VTA1: variants seen among roughly 807,000 people sequenced by gnomAD.
VTA1 encodes the protein vesicle trafficking 1.
VTA1 carries 24 observed loss-of-function variants against 36.9 expected under a neutral mutation model. That is an observed-to-expected ratio of 0.65 (90% CI 0.47 to 0.91). The LOEUF (loss-of-function observed/expected upper bound fraction) is 0.91. VTA1 is among the 40% of genes least tolerant of loss of function. VTA1 has a pLI of 0.00. For synonymous variants in VTA1, 142 were observed against 130.2 expected (o/e 1.09, Z -0.62); for missense variants, 393 against 377.2 (o/e 1.04, Z -0.35).
intron 4 of VTA1, among the ~76,000 whole-genome samples, chr6:142,173,236 A>T (rs552220663): frequency 2.4e-4 from 37 of 152,348 alleles, no homozygotes; most frequent in African/African-American, 8.9e-4. Context: ...GTTTTGAATG[A>T]GAGAGATGAC....
At chr6:142,181,465 A>ATATATG (rs1554219882) in intron 4 of VTA1, among the ~76,000 whole-genome samples, 2 of 147,868 alleles carry the variant, frequency 1.4e-5, no homozygotes, top group Non-Finnish European at 3.0e-5. Flanking sequence ...TTATATATAT[A>ATATATG]TATATATATG....
intron 7 of VTA1, among the ~76,000 whole-genome samples, chr6:142,205,132 C>T (rs1775765353): frequency 6.6e-6 from 1 of 152,130 alleles, no homozygotes; most frequent in Admixed American, 6.6e-5. Context: ...GCCAATAAGC[C>T]TTCCTGCCTC....
At chr6:142,207,501 C>T (rs2114682095) in intron 7 of VTA1, among the ~76,000 whole-genome samples, 1 of 152,058 alleles carries the variant, frequency 6.6e-6, no homozygotes, top group South Asian at 2.1e-4. Flanking sequence ...GGCACAAACC[C>T]CTACCTAGCC....
rs191687125 is a variant in VTA1, at chr6:142,219,085, C to T, written c.*442C>T. The T allele has an allele frequency of 2.6e-5, 4 of 152,194 alleles. No individual in the cohort carries two copies. Among genetic ancestry groups the T allele is most frequent in the East Asian group, 1.9e-4 (1 of 5,200 alleles). 9.4% of individuals were successfully genotyped at this position (152,194 alleles called of 1,614,324 possible). ...CCAGAATATTCTAAATTAGAAATTACGTTTTTGTTTCCCTCAAGACATAAA... is the reference window on the plus strand; with the variant it reads ...CCAGAATATTCTAAATTAGAAATTATGTTTTTGTTTCCCTCAAGACATAAA... On this transcript the variant is annotated 3_prime_UTR_variant, in exon 8 of 8. Transcript: ENST00000367630.
chr6:142,203,171 ATTTAT>A (rs1455903848), intron 6 of VTA1, among the ~76,000 whole-genome samples: 1 of 151,890 alleles, frequency 6.6e-6, no homozygotes, highest in African/African-American at 2.4e-5. Flanking sequence ...GAAACTTCCT[ATTTAT>A]TTTAACCTTT....
chr6:142,151,237 G>C (rs1037583839), intron 1 of VTA1, among the ~76,000 whole-genome samples: 1 of 152,168 alleles, frequency 6.6e-6, no homozygotes, highest in African/African-American at 2.4e-5. Flanking sequence ...GATGTGGAGG[G>C]ACCACAGTGG....
At chr6:142,160,722 A>G (rs143780620) in intron 1 of VTA1, among the ~76,000 whole-genome samples, 52 of 152,212 alleles carry the variant, frequency 3.4e-4, no homozygotes, top group African/African-American at 1.2e-3. Flanking sequence ...CTTGTTACAT[A>G]TATTTTGTTC....
At chr6:142,170,545 G>A (rs952300573) in intron 4 of VTA1, 124 bp downstream of exon 4, 1 of 620,386 alleles carries the variant, frequency 1.6e-6, no homozygotes, top group Non-Finnish European at 2.5e-6. Flanking sequence ...AGCAAAAAAT[G>A]TAATTTTGCA....
chr6:142,201,586 A>C (rs1296908392), intron 6 of VTA1, among the ~76,000 whole-genome samples: 5 of 151,944 alleles, frequency 3.3e-5, no homozygotes, highest in African/African-American at 1.2e-4. Flanking sequence ...AGATTTTAGT[A>C]ATAAAGCTAG....
chr6:142,161,651 A>T (rs771702921), intron 1 of VTA1, among the ~76,000 whole-genome samples: 1 of 152,136 alleles, frequency 6.6e-6, no homozygotes, highest in Non-Finnish European at 1.5e-5. Context: ...TTTCTTATAG[A>T]TGATTTTAGC....
chr6:142,174,953 G>A (rs1446430572), intron 4 of VTA1, among the ~76,000 whole-genome samples: 5 of 152,186 alleles, frequency 3.3e-5, no homozygotes, highest in African/African-American at 1.2e-4. Flanking sequence ...GGCTTATGCA[G>A]CCTGCGGAAT....
At chr6:142,188,497 G>GC (rs1263364505) in intron 4 of VTA1, among the ~76,000 whole-genome samples, 1 of 152,094 alleles carries the variant, frequency 6.6e-6, no homozygotes, top group African/African-American at 2.4e-5. Flanking sequence ...ACAGGCATGA[G>GC]CCACCGTGCC....
At chr6:142,150,505 A>G (rs1300427636) in intron 1 of VTA1, among the ~76,000 whole-genome samples, 1 of 152,092 alleles carries the variant, frequency 6.6e-6, no homozygotes, top group East Asian at 1.9e-4. Context: ...GCATACTCTC[A>G]CGCATCCTGA....
At chr6:142,194,556 C>T (rs931449909) in intron 5 of VTA1, among the ~76,000 whole-genome samples, 5 of 151,992 alleles carry the variant, frequency 3.3e-5, no homozygotes, top group African/African-American at 1.2e-4. Flanking sequence ...GTTTTCCAGT[C>T]GTTAGCTTCT....
chr6:142,165,215 T>TTA (rs1444878193), intron 1 of VTA1, among the ~76,000 whole-genome samples: 1 of 152,186 alleles, frequency 6.6e-6, no homozygotes, highest in Non-Finnish European at 1.5e-5. Context: ...GTAAGTTTAA[T>TTA]AAGTTTTTTG....
chr6:142,181,138 C>CT (rs541820177), intron 4 of VTA1, among the ~76,000 whole-genome samples: 1,711 of 106,496 alleles, frequency 0.016, 60 homozygotes, highest in African/African-American at 0.049. Flanking sequence ...CACAGACACA[C>CT]TTTTTTTTTT....
At chr6:142,176,141 C>T (rs1334493275) in intron 4 of VTA1, among the ~76,000 whole-genome samples, 1 of 152,092 alleles carries the variant, frequency 6.6e-6, no homozygotes, top group Non-Finnish European at 1.5e-5. Context: ...TGATAGGCTT[C>T]CTTTCATTGT....
At chr6:142,187,572 C>T (rs1775363334) in intron 4 of VTA1, among the ~76,000 whole-genome samples, 1 of 152,178 alleles carries the variant, frequency 6.6e-6, no homozygotes, top group Admixed American at 6.5e-5. Context: ...ACCCTCCCCA[C>T]CCCACAGAGT....
intron 5 of VTA1, among the ~76,000 whole-genome samples, chr6:142,193,051 A>G (rs919848434): frequency 1.3e-5 from 2 of 152,086 alleles, no homozygotes; most frequent in African/African-American, 2.4e-5. Flanking sequence ...CTTCTCATGC[A>G]CATAGATCAC....
Sources: gnomAD v4.1 joint callset for allele counts (sites outside exome capture counted in the v4.1 genomes callset) on GRCh38, gnomAD v4.1.1 for gene constraint, MANE v1.5 for transcripts, NCBI Gene and HGNC (gene_info 2026-07-23, HGNC 2026-07-21) for gene names.